RPS6KB2: variants seen among roughly 807,000 people sequenced by gnomAD.
The protein encoded by RPS6KB2 is ribosomal protein S6 kinase beta-2.
Under a neutral mutation model 58.2 loss-of-function variants are expected in RPS6KB2, and 51 were observed. The observed-to-expected ratio is 0.88, with a 90% confidence interval of 0.70 to 1.11. RPS6KB2 has a LOEUF of 1.11. Ranked by LOEUF, RPS6KB2 falls within the 50% of genes least tolerant of loss-of-function variation. The pLI, the probability that RPS6KB2 is intolerant of heterozygous loss-of-function variation, is 0.00. For synonymous variants in RPS6KB2, 293 were observed against 258.6 expected (o/e 1.13, Z -1.28); for missense variants, 671 against 655.8 (o/e 1.02, Z -0.25).
rs774154588 is a variant in RPS6KB2 at position 67,428,970 on chromosome 11, G to A, written c.79-12G>A. On this transcript the variant is annotated splice_polypyrimidine_tract_variant and intron_variant, in intron 1 of 14. Transcript: ENST00000312629. ...GCACCTTCCTTGGCTCTTACCCCTC[G>A]GTTTCTCACAGGACGCATGTCCCCT... 4 of 1,613,916 alleles carry A rather than the reference G, an allele frequency of 2.5e-6. No individual in the cohort carries two copies. Among genetic ancestry groups the A allele is most frequent in the African/African-American group, 2.7e-5 (2 of 74,910 alleles).
rs183360785 is a variant in RPS6KB2 at position 67,433,018 on chromosome 11, C to G, written c.683C>G (p.Thr228Ser). ...ESIHEGAVTH[T>S]FCGTIEYMAP... ...ATCCATGAGGGCGCCGTCACTCACA[C>G]CTTCTGCGGCACCATTGAGTACATG... is the stretch of plus-strand genomic sequence containing the variant. Residue 228 changes from threonine (T) to serine (S), a missense_variant, in exon 8 of 15, where the codon ACC becomes AGC. Physicochemically the swap from Thr to Ser is moderately conservative, Grantham distance 58 (BLOSUM62 1). Coordinates refer to ENST00000312629, the MANE Select transcript of RPS6KB2 (RefSeq NM_003952.3). 1.2e-6 allele frequency: 2 copies of G among 1,613,292 alleles called. No individual in the cohort carries two copies. The highest frequency in any genetic ancestry group is 1.7e-6 in the Non-Finnish European group (2 of 1,180,038).
chr11:67,433,910 T>G, intron 10 of RPS6KB2, 85 bp from the exon 11 acceptor site: 1 of 1,460,250 alleles, frequency 6.8e-7, no homozygotes, highest in Non-Finnish European at 9.6e-7. Context: ...CCATGTCACC[T>G]GACCCCTACT....
chr11:67,435,321 C>A lies in RPS6KB2; in HGVS notation c.*152C>A. On this transcript the variant is annotated 3_prime_UTR_variant, in exon 15 of 15. Transcript: ENST00000312629. ...TGTGTGTCTGCTGGGGCAGCTGTGC[C>A]CCTGAATCATGGGCACGGAGGGCCG... 1 of 791,376 alleles carries A rather than the reference C, an allele frequency of 1.3e-6. No individual in the cohort carries two copies. Among genetic ancestry groups the A allele is most frequent in the Non-Finnish European group, 1.9e-6 (1 of 516,238 alleles). The allele number at this position is 791,376 out of a possible 1,614,324, so 49.0% of individuals were successfully genotyped here.
Position 67,435,200 on chromosome 11 carries a change from A to G in RPS6KB2, c.*31A>G, listed in dbSNP as rs780389533. ...CGGGTGGGGGTGAGGGTAGCCCTTG[A>G]GCCCTGTCCCTGCGGCTGTGAGAGC... On this transcript the variant is annotated 3_prime_UTR_variant, in exon 15 of 15. Transcript: ENST00000312629. 1.1e-5 allele frequency: 16 copies of G among 1,505,608 alleles called. No individual in the cohort carries two copies. The South Asian group carries it at 2.0e-4, about 19-fold the overall frequency. 93.3% of individuals were successfully genotyped at this position (1,505,608 alleles called of 1,614,324 possible).
rs192602405 is a variant in RPS6KB2 at position 67,434,310 on chromosome 11, C to T, written c.1047+35C>T. On this transcript the variant is annotated intron_variant, in intron 12 of 14. Transcript: ENST00000312629. Reference sequence around the variant, plus strand: ...AGGGCTGGTGGCCAGTGGCCGGTGGCGGGTGGCAAGTGGAGAACCTGCATC... The same window carrying T: ...AGGGCTGGTGGCCAGTGGCCGGTGGTGGGTGGCAAGTGGAGAACCTGCATC... 1.7e-3 allele frequency: 2,662 copies of T among 1,611,332 alleles called. 7 individuals carry two copies. The highest frequency in any genetic ancestry group is 2.0e-3 in the Non-Finnish European group (2,402 of 1,178,662).
intron 10 of RPS6KB2, 125 bp from the exon 11 acceptor site, chr11:67,433,869 AG>A: frequency 9.8e-7 from 1 of 1,024,548 alleles, no homozygotes; most frequent in Non-Finnish European, 1.5e-6. Flanking sequence ...GGGTATCCAT[AG>A]GTGGGAGCCA....
chr11:67,429,895 C>T (rs1368380512), intron 4 of RPS6KB2: 3 of 274,550 alleles, frequency 1.1e-5, no homozygotes, highest in South Asian at 4.2e-5. Context: ...CTCACTGCCA[C>T]CTCTGTCTCC....
rs775093069 is a variant in RPS6KB2, at chr11:67,433,060, G to A, written c.707+18G>A. On this transcript the variant is annotated intron_variant, in intron 8 of 14. Coordinates refer to ENST00000312629, the MANE Select transcript of RPS6KB2 (RefSeq NM_003952.3). Reference sequence around the variant, plus strand: ...GAGTACATGTAAGTGGCACCTGGCTGGCCCAGGGGTCGGGAGGACAGCCCG... The same window carrying A: ...GAGTACATGTAAGTGGCACCTGGCTAGCCCAGGGGTCGGGAGGACAGCCCG... The A allele has an allele frequency of 2.5e-5, 40 of 1,612,800 alleles. No homozygotes were observed. The highest frequency in any genetic ancestry group is 3.4e-5 in the Non-Finnish European group (40 of 1,179,836).
chr11:67,433,267 GC>G, intron 9 of RPS6KB2, 51 bp downstream of exon 9: 1 of 1,599,272 alleles, frequency 6.3e-7, no homozygotes, highest in Non-Finnish European at 8.5e-7. Flanking sequence ...GGTGGGAGTA[GC>G]CCCCCTCCTG....
At position 67,428,922 on chromosome 11, in the gene RPS6KB2, A is replaced by C. The variant is rs776319978; in HGVS notation, c.79-60A>C. On this transcript the variant is annotated intron_variant, in intron 1 of 14. Coordinates refer to ENST00000312629, the MANE Select transcript of RPS6KB2 (RefSeq NM_003952.3). The stretch of plus-strand genomic sequence containing the variant: ...CTCCTGGGCCACGCAGTCCAACCTG[A>C]ACGGGAGCGGGGAGGTATCCTGGCA... 2.6e-5 allele frequency: 42 copies of C among 1,603,122 alleles called. 1 individual carries two copies. Among genetic ancestry groups the C allele is most frequent in the Non-Finnish European group, 3.6e-5 (42 of 1,170,188 alleles).
At chr11:67,434,749 GC>G in intron 14 of RPS6KB2, 55 bp downstream of exon 14, 1 of 1,379,800 alleles carries the variant, frequency 7.2e-7, no homozygotes, top group Non-Finnish European at 1.0e-6. Flanking sequence ...CAGGCAGGAT[GC>G]CAGCTCCAGC....
intron 5 of RPS6KB2, chr11:67,431,719 G>A (rs186712643): frequency 1.2e-4 from 69 of 562,068 alleles, no homozygotes; most frequent in Non-Finnish European, 2.0e-4. Flanking sequence ...AGCACCTACT[G>A]TGTCCCTCAC....
intron 1 of RPS6KB2, 55 bp from the exon 2 acceptor site, chr11:67,428,927 G>A (rs1366635120): frequency 6.2e-7 from 1 of 1,607,552 alleles, no homozygotes; most frequent in Non-Finnish European, 8.5e-7. Flanking sequence ...ACCTGAACGG[G>A]AGCGGGGAGG....
In RPS6KB2 at chr11:67,429,024, T is replaced by G. The variant is rs1863936106; in HGVS notation, c.119+2T>G. ...CGAGTTGAGGGCAGCTGGCCTAGAG[T>G]GAGTGAGGGTCGTGTTGGGGGAGGG... On this transcript the variant is annotated splice_donor_variant, in intron 2 of 14. Coordinates refer to ENST00000312629, the MANE Select transcript of RPS6KB2 (RefSeq NM_003952.3). LOFTEE classifies it high-confidence loss of function. 6.2e-7 allele frequency: 1 copy of G among 1,607,470 alleles called. No homozygotes were observed.
rs929541829 is a variant in RPS6KB2 at position 67,433,187 on chromosome 11, G to T, written c.769G>T (p.Ala257Ser). 1.2e-6 allele frequency: 2 copies of T among 1,605,716 alleles called. No homozygotes were observed. Among genetic ancestry groups the T allele is most frequent in the Non-Finnish European group, 1.7e-6 (2 of 1,178,208 alleles). ...GGCTGTGGACTGGTGGAGCCTGGGG[G>T]CCCTGATGTACGACATGCTCACTGG... ...NRAVDWWSLG[A>S]LMYDMLTGSP... The change falls in exon 9 of 15, where the codon GCC (alanine) becomes TCC (serine). Residue 257 changes from alanine (A) to serine (S), a missense_variant. Physicochemically the swap from Ala to Ser is moderately conservative, Grantham distance 99. Transcript: ENST00000312629.
In RPS6KB2 at chr11:67,433,202, A is replaced by G; in HGVS notation, c.784A>G (p.Met262Val). Residue 262 changes from methionine (M) to valine (V), a missense_variant, in exon 9 of 15, where the codon ATG becomes GTG. Transcript: ENST00000312629. ...GAGCCTGGGGGCCCTGATGTACGAC[A>G]TGCTCACTGGATCGGCAAGTCCAGC... is the stretch of plus-strand genomic sequence containing the variant. ...WWSLGALMYD[M>V]LTGSPPFTAE... The G allele has an allele frequency of 6.2e-7, 1 of 1,606,714 alleles. No individual in the cohort carries two copies. The highest frequency in any genetic ancestry group is 8.5e-7 in the Non-Finnish European group (1 of 1,179,000).
chr11:67,435,115 T>TC lies in RPS6KB2; in HGVS notation c.1401dup (p.Ser468LeufsTer54). The TC allele has an allele frequency of 1.2e-6, 2 of 1,603,596 alleles. No homozygotes were observed. The highest frequency in any genetic ancestry group is 1.7e-6 in the Non-Finnish European group (2 of 1,177,904). ...CGACCACCGCCCCTCTCCCCATCCG[T>TC]CCCCCCTCAGGGACCAAGAAGTCCA... On this transcript the variant is annotated frameshift_variant, in exon 15 of 15. Transcript: ENST00000312629. LOFTEE classifies it high-confidence loss of function.
rs1270429543 is a variant in RPS6KB2, at chr11:67,434,406, T to C, written c.1077T>C (p.Asp359=). ...CAGAGGAGGACGTGAGCCAGTTTGATACCCGCTTCACACGGCAGACGCCGG... is the reference window on the plus strand; with the variant it reads ...CAGAGGAGGACGTGAGCCAGTTTGACACCCGCTTCACACGGCAGACGCCGG... ...LQSEEDVSQF[D]TRFTRQTPVD... Residue 359 remains aspartate (D), a synonymous_variant, in exon 13 of 15, where the codon GAT becomes GAC. Transcript: ENST00000312629. The C allele has an allele frequency of 6.2e-7, 1 of 1,613,302 alleles. No homozygotes were observed. Among genetic ancestry groups the C allele is most frequent in the Admixed American group, 1.7e-5 (1 of 60,024 alleles).
chr11:67,428,721 C>T, intron 1 of RPS6KB2, 98 bp downstream of exon 1: 3 of 1,180,972 alleles, frequency 2.5e-6, no homozygotes, highest in Non-Finnish European at 3.6e-6. Context: ...CGGGCTCCGA[C>T]TCTTTGCAGA....
Sources: allele counts gnomAD v4.1 joint callset, GRCh38; gene constraint gnomAD v4.1.1; transcripts MANE v1.5; gene names NCBI Gene and HGNC (gene_info 2026-07-23, HGNC 2026-07-21).